The following SHISA9 variants were observed in gnomAD, a reference collection of about 807,000 sequenced individuals.
SHISA9 encodes protein shisa-9.
A neutral mutation model predicts 38.0 loss-of-function variants in SHISA9; 13 were observed. That is an observed-to-expected ratio of 0.34 (90% CI 0.22 to 0.54). The LOEUF is 0.54. Among genes scored for constraint, SHISA9 ranks in the 20% least tolerant of loss-of-function variants. SHISA9 has a pLI of 0.91. For synonymous variants in SHISA9, 275 were observed against 242.0 expected (o/e 1.14, Z -1.27); for missense variants, 538 against 575.8 (o/e 0.93, Z 0.67).
At chr16:13,284,772 T>A in the SHISA9 span, among the ~76,000 whole-genome samples, 1 of 152,150 alleles carries the variant, frequency 6.6e-6, no homozygotes, top group Non-Finnish European at 1.5e-5. Context: ...TAATTTTTTG[T>A]ATTTTTTGTA....
chr16:13,214,164 G>T (rs760140071), intron 4 of SHISA9, among the ~76,000 whole-genome samples: 5 of 152,128 alleles, frequency 3.3e-5, no homozygotes, highest in African/African-American at 9.7e-5. Context: ...TGGTGGAGAA[G>T]TAACTGACCT....
chr16:13,446,485 C>T, the SHISA9 span, among the ~76,000 whole-genome samples: 3 of 152,108 alleles, frequency 2.0e-5, no homozygotes, highest in Non-Finnish European at 4.4e-5. Context: ...GCCAATAAAG[C>T]AGGGTCAGCA....
chr16:13,437,930 A>T, the SHISA9 span, among the ~76,000 whole-genome samples: 7 of 78,170 alleles, frequency 9.0e-5, no homozygotes, highest in Non-Finnish European at 2.1e-4. Flanking sequence ...CAGTGACGTG[A>T]TCTCAGCTCA....
At chr16:13,309,203 G>A in the SHISA9 span, among the ~76,000 whole-genome samples, 1 of 152,078 alleles carries the variant, frequency 6.6e-6, no homozygotes, top group Non-Finnish European at 1.5e-5. Flanking sequence ...GGTAATGTTG[G>A]GGCTAGGGAG....
chr16:13,005,340 A>G (rs2072584882), intron 2 of SHISA9, among the ~76,000 whole-genome samples: 1 of 152,190 alleles, frequency 6.6e-6, no homozygotes, highest in African/African-American at 2.4e-5. Flanking sequence ...TGCTAAGGAA[A>G]TATAGAAGAT....
At chr16:13,190,273 T>C (rs1313878758) in intron 2 of SHISA9, among the ~76,000 whole-genome samples, 1 of 143,148 alleles carries the variant, frequency 7.0e-6, no homozygotes, top group African/African-American at 2.6e-5. Flanking sequence ...ATATTCCCCT[T>C]CCTGTGTCCA....
chr16:13,223,511 C>G (rs1490034629), intron 4 of SHISA9, among the ~76,000 whole-genome samples: 2 of 152,188 alleles, frequency 1.3e-5, no homozygotes, highest in Non-Finnish European at 2.9e-5. Flanking sequence ...CTCTTTCCTT[C>G]TCAACATTCC....
At chr16:13,498,192 A>T in the SHISA9 span, among the ~76,000 whole-genome samples, 1 of 152,194 alleles carries the variant, frequency 6.6e-6, no homozygotes, top group East Asian at 1.9e-4. Flanking sequence ...AAAGGACCCT[A>T]AATGACAAAT....
At chr16:13,234,998 C>T (rs1428981404) in intron 4 of SHISA9, 32 bp from the exon 5 acceptor site, 1 of 1,499,718 alleles carries the variant, frequency 6.7e-7, no homozygotes. Context: ...TCTCTTTCTT[C>T]CCCTTCTTCA....
intron 2 of SHISA9, among the ~76,000 whole-genome samples, chr16:12,964,000 C>T (rs2071945577): frequency 6.6e-6 from 1 of 152,210 alleles, no homozygotes; most frequent in Admixed American, 6.5e-5. Context: ...GAAAACCTTC[C>T]TGTGAACAAG....
the SHISA9 span, among the ~76,000 whole-genome samples, chr16:13,377,230 A>G: frequency 6.6e-6 from 1 of 152,136 alleles, no homozygotes; most frequent in Non-Finnish European, 1.5e-5. Context: ...GGCGGCATTC[A>G]TGTGCTGTTG....
the SHISA9 span, among the ~76,000 whole-genome samples, chr16:13,499,976 T>C: frequency 6.6e-6 from 1 of 152,202 alleles, no homozygotes; most frequent in Non-Finnish European, 1.5e-5. Flanking sequence ...GAGTGCTGCA[T>C]GGCAGGGACA....
At chr16:13,096,085 T>C (rs2073823309) in intron 2 of SHISA9, among the ~76,000 whole-genome samples, 1 of 152,228 alleles carries the variant, frequency 6.6e-6, no homozygotes. Flanking sequence ...TATTAGCTGG[T>C]TAACGATGAA....
chr16:13,505,198 A>C, the SHISA9 span, among the ~76,000 whole-genome samples: 1 of 152,236 alleles, frequency 6.6e-6, no homozygotes, highest in Non-Finnish European at 1.5e-5. Flanking sequence ...GAAAAGATAG[A>C]TTGCACCTTG....
chr16:13,211,342 A>G (rs1030229805), intron 3 of SHISA9, among the ~76,000 whole-genome samples: 8 of 152,028 alleles, frequency 5.3e-5, no homozygotes, highest in African/African-American at 1.9e-4. Flanking sequence ...AAATTTCCCT[A>G]TGATGTTGAG....
chr16:13,215,924 C>T (rs2051163676), intron 4 of SHISA9, among the ~76,000 whole-genome samples: 1 of 152,184 alleles, frequency 6.6e-6, no homozygotes, highest in African/African-American at 2.4e-5. Context: ...CGGTGTCTCA[C>T]ACCTGTAATC....
the SHISA9 span, among the ~76,000 whole-genome samples, chr16:13,379,988 A>G: frequency 6.6e-6 from 1 of 152,176 alleles, no homozygotes; most frequent in Non-Finnish European, 1.5e-5. Flanking sequence ...TTTTATAACT[A>G]AAAAGATAAC....
intron 2 of SHISA9, among the ~76,000 whole-genome samples, chr16:13,034,307 C>T (rs367875482): frequency 2.0e-5 from 3 of 152,138 alleles, no homozygotes; most frequent in South Asian, 2.1e-4. Flanking sequence ...GCACCATTAG[C>T]ATCTCCTTGG....
the SHISA9 span, among the ~76,000 whole-genome samples, chr16:13,398,313 C>T: frequency 1.3e-5 from 2 of 152,190 alleles, no homozygotes; most frequent in African/African-American, 2.4e-5. Context: ...CCCGGTCCCC[C>T]TTCTGTATCA....
Sources: gnomAD v4.1 joint callset for allele counts (sites outside exome capture counted in the v4.1 genomes callset) on GRCh38, gnomAD v4.1.1 for gene constraint, MANE v1.5 for transcripts, NCBI Gene and HGNC (gene_info 2026-07-23, HGNC 2026-07-21) for gene names.